FBXL17: variants seen among roughly 807,000 people sequenced by gnomAD.
The protein encoded by FBXL17 is F-box and leucine rich repeat protein 17, also known as F-box/LRR-repeat protein 17.
In FBXL17, 22 loss-of-function variants were observed where a neutral mutation model predicts 66.2. The observed-to-expected ratio is 0.33, with a 90% CI of 0.24 to 0.47. The LOEUF is 0.47. Among genes scored for constraint, FBXL17 ranks in the 20% least tolerant of loss-of-function variants. The pLI, the probability that FBXL17 is intolerant of heterozygous loss-of-function variation, is 1.00. For synonymous variants in FBXL17, 474 were observed against 400.5 expected (o/e 1.18, Z -2.19); for missense variants, 878 against 948.2 (o/e 0.93, Z 0.97).
intron 7 of FBXL17, among the ~76,000 whole-genome samples, chr5:107,946,521 G>A (rs1239216025): frequency 1.3e-5 from 2 of 150,088 alleles, no homozygotes; most frequent in Non-Finnish European, 3.0e-5. Context: ...TGACCAGGCT[G>A]GCCTCCAACT....
At chr5:108,154,231 A>G (rs1171966629) in intron 6 of FBXL17, among the ~76,000 whole-genome samples, 5 of 150,584 alleles carry the variant, frequency 3.3e-5, no homozygotes, top group African/African-American at 4.9e-5. Flanking sequence ...CAGAAAACAG[A>G]GACACGTAAA....
intron 5 of FBXL17, among the ~76,000 whole-genome samples, chr5:108,202,690 G>A (rs1051257782): frequency 6.6e-6 from 1 of 152,112 alleles, no homozygotes; most frequent in Non-Finnish European, 1.5e-5. Context: ...AGGAGGGAGT[G>A]GGACAGTGCA....
intron 6 of FBXL17, among the ~76,000 whole-genome samples, chr5:108,024,013 TG>T (rs1361962410): frequency 6.6e-6 from 1 of 152,190 alleles, no homozygotes; most frequent in Non-Finnish European, 1.5e-5. Context: ...GAGCAAGCCA[TG>T]AGTCTCTAAA....
At chr5:108,048,306 T>C (rs1049553024) in intron 6 of FBXL17, among the ~76,000 whole-genome samples, 2 of 151,792 alleles carry the variant, frequency 1.3e-5, no homozygotes, top group Non-Finnish European at 1.5e-5. Flanking sequence ...CATCCAAGGG[T>C]CAGCAGTCTC....
chr5:107,870,119 C>T (rs952974047), intron 8 of FBXL17, among the ~76,000 whole-genome samples: 2 of 152,074 alleles, frequency 1.3e-5, no homozygotes, highest in Non-Finnish European at 2.9e-5. Context: ...ATTTGTAAAG[C>T]TACCAGGAGA....
At chr5:108,137,500 T>C (rs1438946476) in intron 6 of FBXL17, among the ~76,000 whole-genome samples, 1 of 152,034 alleles carries the variant, frequency 6.6e-6, no homozygotes, top group Non-Finnish European at 1.5e-5. Flanking sequence ...TGATCACCTA[T>C]TAGTAATCAT....
intron 4 of FBXL17, among the ~76,000 whole-genome samples, chr5:108,228,713 G>A (rs1209286495): frequency 6.6e-6 from 1 of 152,136 alleles, no homozygotes; most frequent in Non-Finnish European, 1.5e-5. Context: ...TATTCAAAAA[G>A]AGTGTATTTA....
chr5:108,307,149 C>A (rs750887081), intron 4 of FBXL17, among the ~76,000 whole-genome samples: 3 of 151,808 alleles, frequency 2.0e-5, no homozygotes, highest in Admixed American at 1.3e-4. Context: ...ATGTGAGTCA[C>A]CAAGAAAAGG....
intron 6 of FBXL17, among the ~76,000 whole-genome samples, chr5:108,035,646 C>T (rs1423976987): frequency 1.3e-5 from 2 of 152,004 alleles, no homozygotes; most frequent in African/African-American, 2.4e-5. Context: ...GGATTACAGG[C>T]GTGAGCCACC....
At chr5:108,217,276 A>G (rs898355506) in intron 5 of FBXL17, among the ~76,000 whole-genome samples, 1 of 151,984 alleles carries the variant, frequency 6.6e-6, no homozygotes, top group Admixed American at 6.6e-5. Context: ...ACCTTTGACC[A>G]TGCTCCTTAA....
At chr5:107,987,827 T>A (rs1469153030) in intron 7 of FBXL17, among the ~76,000 whole-genome samples, 1 of 152,138 alleles carries the variant, frequency 6.6e-6, no homozygotes, top group Middle Eastern at 3.4e-3. Flanking sequence ...GGCCAAACAA[T>A]GAATACATCT....
chr5:108,199,617 TA>T (rs772801216), intron 5 of FBXL17, among the ~76,000 whole-genome samples: 1 of 152,188 alleles, frequency 6.6e-6, no homozygotes, highest in Non-Finnish European at 1.5e-5. Flanking sequence ...GAGTTAGTGG[TA>T]GTCTAAGAAA....
In FBXL17 at chr5:108,382,036, G is replaced by A. The variant is rs1750013931; in HGVS notation, c.-345C>T. 2.0e-6 allele frequency: 2 copies of A among 986,042 alleles called. No homozygotes were observed. The highest frequency in any genetic ancestry group is 4.8e-5 in the South Asian group (1 of 21,050). 61.1% of individuals were successfully genotyped at this position (986,042 alleles called of 1,614,324 possible). On this transcript the variant is annotated 5_prime_UTR_variant, in exon 1 of 9. Transcript: ENST00000542267. ...CAGTCAGCGGAGCGGCCGGGGAAAG[G>A]CCGGGTCCCGCTCGGACCATTTTAA...
intron 7 of FBXL17, among the ~76,000 whole-genome samples, chr5:107,968,802 T>C (rs1441403012): frequency 6.6e-6 from 1 of 152,152 alleles, no homozygotes; most frequent in Non-Finnish European, 1.5e-5. Context: ...GTGGCTCTTA[T>C]TTTAGAAACA....
At chr5:108,152,226 T>G (rs1751799698) in intron 6 of FBXL17, among the ~76,000 whole-genome samples, 1 of 152,204 alleles carries the variant, frequency 6.6e-6, no homozygotes, top group South Asian at 2.1e-4. Flanking sequence ...AGATAAACAT[T>G]AATGCAATAT....
intron 7 of FBXL17, among the ~76,000 whole-genome samples, chr5:107,984,202 A>C (rs1374622788): frequency 6.6e-6 from 1 of 152,170 alleles, no homozygotes; most frequent in Non-Finnish European, 1.5e-5. Flanking sequence ...AGGTAATATT[A>C]GTAACTTCCC....
intron 5 of FBXL17, among the ~76,000 whole-genome samples, chr5:108,205,831 G>C (rs1236132979): frequency 6.6e-6 from 1 of 152,110 alleles, no homozygotes; most frequent in Non-Finnish European, 1.5e-5. Flanking sequence ...CCGGTCCCGG[G>C]TTTCAAGCAA....
In FBXL17 at chr5:108,335,219, C is replaced by T. The variant is rs553955944; in HGVS notation, c.1506+13180G>A. 2.7e-5 allele frequency among the ~76,000 whole-genome samples: 4 copies of T among 147,400 alleles called. 1 individual carries two copies. Among genetic ancestry groups the T allele is most frequent in the African/African-American group, 1.0e-4 (4 of 38,958 alleles). ...CTTGAATATAAATATTTTCACTCTC[C>T]CACTCCCCCACCCCCCCCCAACACA... On this transcript the variant is annotated intron_variant, in intron 4 of 8. Coordinates refer to ENST00000542267, the MANE Select transcript of FBXL17 (RefSeq NM_001163315.3).
In FBXL17 at chr5:107,958,228, G is replaced by C. The variant is rs1580248529; in HGVS notation, c.1822+62697C>G. 4.0e-5 allele frequency among the ~76,000 whole-genome samples: 6 copies of C among 150,370 alleles called. 1 individual carries two copies. The Middle Eastern group carries it at 0.011, about 265-fold the overall frequency. ...TTTATTTATTTATTTTTTGGTGGCT[G>C]TTTAGAGCACGTGAAGATATAAAAC... On this transcript the variant is annotated intron_variant, in intron 7 of 8. Transcript: ENST00000542267.
Sources: allele counts gnomAD v4.1 joint callset (sites outside exome capture counted in the v4.1 genomes callset), GRCh38; gene constraint gnomAD v4.1.1; transcripts MANE v1.5; gene names NCBI Gene and HGNC (gene_info 2026-07-23, HGNC 2026-07-21).